FRAS1: variants seen among roughly 807,000 people sequenced by gnomAD.
FRAS1 encodes extracellular matrix organizing protein FRAS1.
Under a neutral mutation model 435.2 loss-of-function variants are expected in FRAS1, and 290 were observed. That is an observed-to-expected ratio of 0.67 (90% CI 0.61 to 0.73). The LOEUF is 0.73. Among genes scored for constraint, FRAS1 ranks in the 30% least tolerant of loss-of-function variants. The pLI, the probability that FRAS1 is intolerant of heterozygous loss-of-function variation, is 0.00. For missense variants in FRAS1, 4,860 were observed against 5,001.5 expected, an observed-to-expected ratio of 0.97 and a Z score of 0.85; for synonymous variants, 1,800 against 1,851.0, an observed-to-expected ratio of 0.97 and a Z score of 0.71.
At chr4:78,436,911 G>T (rs2109820952) in intron 38 of FRAS1, among the ~76,000 whole-genome samples, 1 of 152,136 alleles carries the variant, frequency 6.6e-6, no homozygotes, top group East Asian at 1.9e-4. Context: ...TCCTCGTGTT[G>T]AATGATGGGT....
At chr4:78,513,030 G>C (rs17429670) in intron 64 of FRAS1, among the ~76,000 whole-genome samples, 21,967 of 152,178 alleles carry the variant, frequency 0.14, 1,909 homozygotes, top group Non-Finnish European at 0.21. Context: ...ACAGAGCAGG[G>C]GAACAGGCCC....
chr4:78,308,069 G>T lies in FRAS1; in HGVS notation c.1538G>T (p.Cys513Phe). Residue 513 changes from cysteine (C) to phenylalanine (F), a missense_variant, in exon 15 of 74, where the codon TGC becomes TTC. By Grantham distance (205) the Cys-to-Phe change is radical. Transcript: ENST00000512123. ...FYQDRHSCAV[C>F]HESCAGCWGP... ...TGATTTTGCTATTCGTCTGCAGTCT[G>T]CCATGAGTCCTGTGCAGGTTGCTGG... The T allele has an allele frequency of 6.2e-7, 1 of 1,603,596 alleles. No individual in the cohort carries two copies. Among genetic ancestry groups the T allele is most frequent in the Non-Finnish European group, 8.5e-7 (1 of 1,173,232 alleles).
Position 78,245,319 on chromosome 4 carries a change from C to G in FRAS1, c.303C>G (p.Ile101Met). 1 of 1,596,936 alleles carries G rather than the reference C, an allele frequency of 6.3e-7. No homozygotes were observed. The highest frequency in any genetic ancestry group is 8.6e-7 in the Non-Finnish European group (1 of 1,169,052). ...GATCTTGCCATCATGAAAAGAAAAT[C>G]CATGAGGTAAGTGTTTTCTGACTCA... ...TPGSCHHEKK[I>M]HEHGTEWASS... The change falls in exon 4 of 74, where the codon ATC becomes ATG. Residue 101 changes from isoleucine to methionine, a missense_variant. By Grantham distance (10) the Ile-to-Met change is conservative (BLOSUM62 1). Coordinates refer to ENST00000512123, the MANE Select transcript of FRAS1 (RefSeq NM_025074.7).
At chr4:78,354,023 T>TAAAAAAAAAAAAAAAAAAA (rs767987937) in intron 20 of FRAS1, among the ~76,000 whole-genome samples, 2 of 106,056 alleles carry the variant, frequency 1.9e-5, no homozygotes, top group Non-Finnish European at 4.3e-5. Flanking sequence ...AAAAATAAAA[T>TAAAAAAAAAAAAAAAAAAA]AAAAAAAAAA....
At chr4:78,394,539 G>C (rs953201381) in intron 29 of FRAS1, among the ~76,000 whole-genome samples, 5 of 142,784 alleles carry the variant, frequency 3.5e-5, no homozygotes, top group African/African-American at 9.9e-5. Context: ...TTATTTCTGG[G>C]CTCCTTATTC....
At chr4:78,433,465 C>T (rs1261202965) in intron 38 of FRAS1, among the ~76,000 whole-genome samples, 1 of 152,000 alleles carries the variant, frequency 6.6e-6, no homozygotes, top group Admixed American at 6.6e-5. Context: ...TTTTTTAATG[C>T]CGTATACTTT....
intron 9 of FRAS1, among the ~76,000 whole-genome samples, chr4:78,268,183 A>T (rs1179326880): frequency 6.6e-6 from 1 of 152,086 alleles, no homozygotes; most frequent in Non-Finnish European, 1.5e-5. Flanking sequence ...ACTTGAGTAG[A>T]TGAGGGAAAT....
At chr4:78,500,697 G>T (rs1029106773) in intron 61 of FRAS1, among the ~76,000 whole-genome samples, 1 of 152,060 alleles carries the variant, frequency 6.6e-6, no homozygotes, top group Admixed American at 6.6e-5. Flanking sequence ...AAGGGGGAGG[G>T]TCTTTATTTT....
At chr4:78,309,855 T>A (rs918704343) in intron 15 of FRAS1, among the ~76,000 whole-genome samples, 3 of 151,388 alleles carry the variant, frequency 2.0e-5, no homozygotes, top group African/African-American at 7.3e-5. Context: ...CCAGGAGGAC[T>A]TTTTTTTTCA....
intron 18 of FRAS1, among the ~76,000 whole-genome samples, chr4:78,329,819 C>T (rs1432920100): frequency 2.0e-5 from 3 of 152,184 alleles, no homozygotes; most frequent in African/African-American, 7.2e-5. Flanking sequence ...CTCACTTATC[C>T]TTTGTGCCTG....
At chr4:78,100,335 G>A (rs138637242) in intron 2 of FRAS1, among the ~76,000 whole-genome samples, 16 of 152,314 alleles carry the variant, frequency 1.1e-4, no homozygotes, top group Admixed American at 2.0e-4. Flanking sequence ...ACTTCTCTGA[G>A]TCAACTTCTG....
At chr4:78,142,072 A>C (rs1401064828) in intron 2 of FRAS1, among the ~76,000 whole-genome samples, 4 of 152,110 alleles carry the variant, frequency 2.6e-5, no homozygotes, top group Admixed American at 2.6e-4. Flanking sequence ...AATCTCACAA[A>C]TCACCACTAA....
Position 78,522,714 on chromosome 4 carries a change from C to T in FRAS1, c.10714C>T (p.Leu3572=). 1 of 1,611,394 alleles carries T rather than the reference C, an allele frequency of 6.2e-7. No homozygotes were observed. Among genetic ancestry groups the T allele is most frequent in the Non-Finnish European group, 8.5e-7 (1 of 1,178,626 alleles). ...VKSFVLTPDH[L]GGIEFDLQLL... ...ATCTTTCGTATTGACTCCAGACCACCTAGGAGGAATTGAATTTGACTTGCA... is the reference window on the plus strand; with the variant it reads ...ATCTTTCGTATTGACTCCAGACCACTTAGGAGGAATTGAATTTGACTTGCA... The change falls in exon 69 of 74, where the codon CTA becomes TTA. Residue 3572 remains leucine (L), a synonymous_variant. Coordinates refer to ENST00000512123, the MANE Select transcript of FRAS1 (RefSeq NM_025074.7).
At position 78,424,376 on chromosome 4, in the gene FRAS1, T is replaced by C; in HGVS notation, c.4679-12T>C. 6.9e-7 allele frequency: 1 copy of C among 1,450,764 alleles called. No individual in the cohort carries two copies. Among genetic ancestry groups the C allele is most frequent in the Non-Finnish European group, 9.3e-7 (1 of 1,078,682 alleles). The allele number at this position is 1,450,764 out of a possible 1,614,324, so 89.9% of individuals were successfully genotyped here. A position where few individuals can be genotyped will look rare whatever the true frequency, so the allele number is the denominator to read the frequency against. On this transcript the variant is annotated splice_polypyrimidine_tract_variant and intron_variant, in intron 34 of 73. Transcript: ENST00000512123. ...GTGTTTAATATACTGATTGTCTCTC[T>C]TACTCTTTTAGGTCTCCCAGAATCA...
At chr4:78,068,178 T>C (rs1740149338) in intron 2 of FRAS1, among the ~76,000 whole-genome samples, 1 of 152,186 alleles carries the variant, frequency 6.6e-6, no homozygotes, top group African/African-American at 2.4e-5. Flanking sequence ...TTCATAGAGC[T>C]TGAATTCTAA....
intron 18 of FRAS1, 55 bp downstream of exon 18, chr4:78,319,041 T>TAAG: frequency 6.4e-7 from 1 of 1,557,436 alleles, no homozygotes; most frequent in Non-Finnish European, 8.8e-7. Context: ...TCTTGAGAGA[T>TAAG]CCTGTGAGGT....
chr4:78,439,393 A>G (rs181393735), intron 40 of FRAS1, among the ~76,000 whole-genome samples: 2 of 152,352 alleles, frequency 1.3e-5, no homozygotes, highest in African/African-American at 4.8e-5. Context: ...GGCAGCAACT[A>G]AAACTTGGAC....
In FRAS1 at chr4:78,274,446, G is replaced by A. The variant is rs189215415; in HGVS notation, c.982-4209G>A. 3.3e-3 allele frequency among the ~76,000 whole-genome samples: 501 copies of A among 152,034 alleles called. 6 individuals are homozygous for A. The highest frequency in any genetic ancestry group is 0.011 in the African/African-American group (475 of 41,422). ...AGATCTTTCCTGCTTTCTCTTGTGGGCATTTAGTGCTATAAATTTCCCTCT... is the reference window on the plus strand; with the variant it reads ...AGATCTTTCCTGCTTTCTCTTGTGGACATTTAGTGCTATAAATTTCCCTCT... On this transcript the variant is annotated intron_variant, in intron 9 of 73. Coordinates refer to ENST00000512123, the MANE Select transcript of FRAS1 (RefSeq NM_025074.7).
At chr4:78,244,065 C>T (rs1366766892) in intron 3 of FRAS1, among the ~76,000 whole-genome samples, 1 of 151,862 alleles carries the variant, frequency 6.6e-6, no homozygotes, top group Non-Finnish European at 1.5e-5. Context: ...TAAGTTTTAT[C>T]CTTTATCAAA....
Sources: gnomAD v4.1 joint callset for allele counts (sites outside exome capture counted in the v4.1 genomes callset) on GRCh38, gnomAD v4.1.1 for gene constraint, MANE v1.5 for transcripts, NCBI Gene and HGNC (gene_info 2026-07-23, HGNC 2026-07-21) for gene names.